SERGEF: variants seen among roughly 807,000 people sequenced by gnomAD.
The protein encoded by SERGEF is secretion-regulating guanine nucleotide exchange factor.
SERGEF carries 51 observed loss-of-function variants against 50.0 expected under a neutral mutation model. The observed-to-expected ratio is 1.02, with a 90% CI of 0.81 to 1.29. The LOEUF (loss-of-function observed/expected upper bound fraction) is 1.29, where lower values mean the gene tolerates loss of function less well. Among genes scored for constraint, SERGEF ranks in the 50% most tolerant of loss-of-function variants. The pLI is 0.00. For synonymous variants in SERGEF, 205 were observed against 212.4 expected, an observed-to-expected ratio of 0.97 and a Z score of 0.30; for missense variants, 521 against 557.0, an observed-to-expected ratio of 0.94 and a Z score of 0.65.
In SERGEF at chr11:17,885,334, T is replaced by G. The variant is rs150322199; in HGVS notation, c.1012-7090A>C. On this transcript the variant is annotated intron_variant, in intron 9 of 10. Coordinates refer to ENST00000265965, the MANE Select transcript of SERGEF (RefSeq NM_012139.4). Reference sequence around the variant, plus strand: ...AATATCATGATCTGATCTGTTTTTGTTTTTAGAGACAGGGTCTTGCTCTAT... The same window carrying G: ...AATATCATGATCTGATCTGTTTTTGGTTTTAGAGACAGGGTCTTGCTCTAT... Among the ~76,000 whole-genome samples, 1,088 of 152,264 alleles carry G rather than the reference T, an allele frequency of 7.1e-3. 5 individuals are homozygous for G. Among genetic ancestry groups the G allele is most frequent in the Non-Finnish European group, 0.011 (738 of 68,024 alleles).
intron 10 of SERGEF, among the ~76,000 whole-genome samples, chr11:17,824,314 A>T (rs929808994): frequency 5.0e-5 from 7 of 140,990 alleles, no homozygotes; most frequent in East Asian, 2.1e-4. Flanking sequence ...AAAAAAAAAA[A>T]GGCCTCTCTT....
intron 9 of SERGEF, among the ~76,000 whole-genome samples, chr11:17,917,063 T>C (rs542172717): frequency 1.3e-3 from 192 of 152,372 alleles, no homozygotes; most frequent in South Asian, 2.1e-3. Flanking sequence ...TTCCCACTAC[T>C]GGGTATCTAC....
intron 9 of SERGEF, among the ~76,000 whole-genome samples, chr11:17,891,108 C>T (rs1851525049): frequency 6.6e-6 from 1 of 152,082 alleles, no homozygotes; most frequent in Admixed American, 6.5e-5. Context: ...GGTTTGCTTA[C>T]TAAACACACA....
chr11:17,799,039 C>T (rs114557108), intron 10 of SERGEF, among the ~76,000 whole-genome samples: 8 of 152,352 alleles, frequency 5.3e-5, no homozygotes, highest in African/African-American at 1.9e-4. Context: ...TGAATCCCTT[C>T]AGGTGTTGCT....
At chr11:17,903,295 CAA>C (rs932175669) in intron 9 of SERGEF, among the ~76,000 whole-genome samples, 1 of 126,758 alleles carries the variant, frequency 7.9e-6, no homozygotes, top group Non-Finnish European at 1.8e-5. Context: ...AAAAACCTGG[CAA>C]AAACACAGAG....
intron 1 of SERGEF, chr11:18,010,150 A>G (rs748017010): frequency 4.1e-5 from 48 of 1,177,476 alleles, no homozygotes; most frequent in Non-Finnish European, 5.0e-5. Context: ...CTGAATGAGG[A>G]AAGGTGATGT....
intron 10 of SERGEF, among the ~76,000 whole-genome samples, chr11:17,840,316 G>A (rs1850477361): frequency 6.6e-6 from 1 of 152,142 alleles, no homozygotes. Flanking sequence ...TGTGAGTTTA[G>A]ATTTTCACAA....
intron 9 of SERGEF, among the ~76,000 whole-genome samples, chr11:17,879,991 T>G (rs1851308943): frequency 6.6e-6 from 1 of 152,252 alleles, no homozygotes; most frequent in Non-Finnish European, 1.5e-5. Flanking sequence ...GGTTCTTAGC[T>G]CAGGCCCCTG....
chr11:17,845,187 A>G (rs540053902), intron 10 of SERGEF, among the ~76,000 whole-genome samples: 4 of 152,308 alleles, frequency 2.6e-5, no homozygotes, highest in Admixed American at 2.0e-4. Flanking sequence ...GAACTCTGTC[A>G]GCAAACTCTA....
chr11:18,010,991 A>G (rs2237908), intron 1 of SERGEF, among the ~76,000 whole-genome samples: 48,552 of 152,048 alleles, frequency 0.32, 9,222 homozygotes, highest in East Asian at 0.5. Context: ...GGTTCAAATT[A>G]CGGTACCAAT....
intron 9 of SERGEF, among the ~76,000 whole-genome samples, chr11:17,950,141 G>T (rs2237915): frequency 1.3e-5 from 2 of 151,976 alleles, no homozygotes; most frequent in African/African-American, 2.4e-5. Context: ...ATAGGAAGCC[G>T]TCAGAAAGTA....
At chr11:17,996,016 AAT>A in intron 5 of SERGEF, 107 bp from the exon 6 acceptor site, 2 of 786,830 alleles carry the variant, frequency 2.5e-6, no homozygotes, top group Non-Finnish European at 4.3e-6. Context: ...TTTCTCAGTT[AAT>A]ATGAGTGTTA....
At chr11:17,858,991 AT>A (rs1292739542) in intron 10 of SERGEF, among the ~76,000 whole-genome samples, 2 of 152,154 alleles carry the variant, frequency 1.3e-5, no homozygotes, top group Admixed American at 1.3e-4. Context: ...CGTTCCTCTC[AT>A]TAGCTGAACC....
chr11:17,948,109 T>C (rs1481151597), intron 9 of SERGEF, among the ~76,000 whole-genome samples: 1 of 152,112 alleles, frequency 6.6e-6, no homozygotes, highest in African/African-American at 2.4e-5. Context: ...TTTGTGTTTT[T>C]TGTAGAGACA....
At chr11:17,950,772 T>C (rs1852759309) in intron 9 of SERGEF, among the ~76,000 whole-genome samples, 1 of 152,178 alleles carries the variant, frequency 6.6e-6, no homozygotes, top group Non-Finnish European at 1.5e-5. Flanking sequence ...ACTCTAAACC[T>C]CTGCATGATT....
intron 9 of SERGEF, among the ~76,000 whole-genome samples, chr11:17,883,179 C>T (rs1048685410): frequency 2.0e-4 from 30 of 152,214 alleles, no homozygotes; most frequent in Admixed American, 5.9e-4. Flanking sequence ...TAGACTTCAT[C>T]AGTTCTTGCA....
intron 10 of SERGEF, among the ~76,000 whole-genome samples, chr11:17,849,790 G>A (rs148194108): frequency 2.6e-5 from 4 of 152,198 alleles, no homozygotes; most frequent in African/African-American, 7.2e-5. Flanking sequence ...ATTTATTCAC[G>A]GTCAATACCA....
At chr11:17,983,998 G>A (rs1186344548) in intron 8 of SERGEF, among the ~76,000 whole-genome samples, 1 of 152,110 alleles carries the variant, frequency 6.6e-6, no homozygotes, top group Non-Finnish European at 1.5e-5. Flanking sequence ...GAACTAGCAT[G>A]GTGAGAAATG....
chr11:17,943,580 T>C (rs1852600111), intron 9 of SERGEF, among the ~76,000 whole-genome samples: 1 of 152,184 alleles, frequency 6.6e-6, no homozygotes, highest in South Asian at 2.1e-4. Flanking sequence ...TCCTTTATTA[T>C]TTTCTTCTTT....
Sources: gnomAD v4.1 joint callset for allele counts (sites outside exome capture counted in the v4.1 genomes callset) on GRCh38, gnomAD v4.1.1 for gene constraint, MANE v1.5 for transcripts, NCBI Gene and HGNC (gene_info 2026-07-23, HGNC 2026-07-21) for gene names.